Variants in ZNF624 observed in about 807,000 individuals in gnomAD.
The protein encoded by ZNF624 is zinc finger protein 624.
Under a neutral mutation model 74.7 loss-of-function variants are expected in ZNF624, and 43 were observed. That is an observed-to-expected ratio of 0.58 (90% CI 0.45 to 0.74). ZNF624 has a LOEUF of 0.74. ZNF624 is among the 30% of genes least tolerant of loss of function. ZNF624 has a pLI of 0.00. For synonymous variants in ZNF624, 331 were observed against 341.3 expected (o/e 0.97, Z 0.33); for missense variants, 820 against 1,030.0 (o/e 0.80, Z 2.79).
chr17:16,632,660 C>T (rs1182878780), intron 5 of ZNF624, among the ~76,000 whole-genome samples: 2 of 152,230 alleles, frequency 1.3e-5, no homozygotes, highest in Non-Finnish European at 2.9e-5. Flanking sequence ...TCCATCTCCA[C>T]TACCATCACC....
chr17:16,632,330 A>G (rs1365843473), intron 5 of ZNF624, among the ~76,000 whole-genome samples: 2 of 152,158 alleles, frequency 1.3e-5, no homozygotes, highest in African/African-American at 4.8e-5. Flanking sequence ...TTGTCTTGCA[A>G]CATCAATGTC....
chr17:16,648,297 T>C (rs903930100), intron 2 of ZNF624, among the ~76,000 whole-genome samples: 1 of 152,166 alleles, frequency 6.6e-6, no homozygotes. Flanking sequence ...CTTCTAGTTG[T>C]AGTTATCCAT....
chr17:16,617,724 T>TA (rs1908821737), downstream of ZNF624: 1 of 1,604,334 alleles, frequency 6.2e-7, no homozygotes, highest in South Asian at 1.1e-5. Context: ...GTTCAGCTCG[T>TA]AAAGGGCGTC....
chr17:16,637,916 C>T (rs1395781484), intron 3 of ZNF624, among the ~76,000 whole-genome samples: 1 of 152,110 alleles, frequency 6.6e-6, no homozygotes, highest in African/African-American at 2.4e-5. Flanking sequence ...AAACTACCAT[C>T]AGAGTGAACA....
At chr17:16,630,105 A>T (rs555297730) in intron 5 of ZNF624, among the ~76,000 whole-genome samples, 1 of 152,302 alleles carries the variant, frequency 6.6e-6, no homozygotes, top group African/African-American at 2.4e-5. Context: ...AGAAAAGTTT[A>T]GACAGATGGT....
intron 3 of ZNF624, among the ~76,000 whole-genome samples, chr17:16,642,888 T>C (rs1479090664): frequency 2.0e-5 from 3 of 152,186 alleles, no homozygotes; most frequent in Non-Finnish European, 4.4e-5. Flanking sequence ...AAAGGAGATA[T>C]ACAAGTGGCC....
chr17:16,625,121 T>C (rs1909038923), intron 5 of ZNF624, among the ~76,000 whole-genome samples: 1 of 152,018 alleles, frequency 6.6e-6, no homozygotes, highest in Non-Finnish European at 1.5e-5. Context: ...AAAACTGTCA[T>C]ACTTCCTTGC....
chr17:16,617,891 G>C, downstream of ZNF624: 1 of 1,560,492 alleles, frequency 6.4e-7, no homozygotes, highest in Non-Finnish European at 8.8e-7. Flanking sequence ...TGTCCGTGGC[G>C]GGCGGGGGCC....
rs747605908 is a variant in ZNF624 at position 16,645,633 on chromosome 17, CA to C, written c.153+1695del. 5.0e-3 allele frequency among the ~76,000 whole-genome samples: 540 copies of C among 108,240 alleles called. 5 individuals are homozygous for C. Among genetic ancestry groups the C allele is most frequent in the African/African-American group, 0.014 (416 of 30,356 alleles). The allele number at this position is 108,240 out of a possible 152,430, so 71.0% of individuals were successfully genotyped here. A position where few individuals can be genotyped will look rare whatever the true frequency, so the allele number is the denominator to read the frequency against. On this transcript the variant is annotated intron_variant, in intron 3 of 5. Coordinates refer to ENST00000311331, the MANE Select transcript of ZNF624 (RefSeq NM_020787.4). ...TTTCTTCTTTTAAAGGACTACGCTA[CA>C]AAAAAAAAAAAAACAAAACACTAAT... is the stretch of plus-strand genomic sequence containing the variant.
chr17:16,638,710 T>C (rs1165590593), intron 3 of ZNF624, among the ~76,000 whole-genome samples: 8 of 133,764 alleles, frequency 6.0e-5, no homozygotes, highest in Non-Finnish European at 1.1e-4. Context: ...CGGGGGACTG[T>C]TGTGGGGTTG....
chr17:16,637,484 AACCAAAACAGCATGGTACTGGT>A (rs1909361390), intron 3 of ZNF624, among the ~76,000 whole-genome samples: 1 of 152,194 alleles, frequency 6.6e-6, no homozygotes, highest in South Asian at 2.1e-4. Flanking sequence ...AGGCTACAGT[AACCAAAACAGCATGGTACTGGT>A]ACCAAAACAG....
chr17:16,633,810 T>C (rs374056170), intron 5 of ZNF624, 52 bp downstream of exon 5: 27 of 1,377,016 alleles, frequency 2.0e-5, no homozygotes, highest in Non-Finnish European at 2.7e-5. Context: ...AACATCCCCC[T>C]ATAGTCTGTT....
At chr17:16,642,973 T>C (rs1265860038) in intron 3 of ZNF624, among the ~76,000 whole-genome samples, 1 of 152,192 alleles carries the variant, frequency 6.6e-6, no homozygotes, top group African/African-American at 2.4e-5. Flanking sequence ...TACAGTAAGC[T>C]ACCACTTCAC....
Position 16,622,549 on chromosome 17 carries a change from G to C in ZNF624, c.2337C>G (p.Pro779=). The C allele has an allele frequency of 6.2e-7, 1 of 1,613,886 alleles. No homozygotes were observed. The highest frequency in any genetic ancestry group is 2.2e-5 in the East Asian group (1 of 44,846). The change falls in exon 6 of 6, where the codon CCC becomes CCG. Residue 779 remains proline, a synonymous_variant. Coordinates refer to ENST00000311331, the MANE Select transcript of ZNF624 (RefSeq NM_020787.4). ...CCTTTCCACATTCCTTACAGGTGTA[G>C]GGTTTTTCTCCAGTGTGTGTTCTCC... is the stretch of plus-strand genomic sequence containing the variant. ...VHWRTHTGEK[P]YTCKECGKGC...
At chr17:16,633,794 C>A in intron 5 of ZNF624, 68 bp downstream of exon 5, 1 of 1,219,430 alleles carries the variant, frequency 8.2e-7, no homozygotes, top group South Asian at 1.3e-5. Flanking sequence ...TTCAGATGTT[C>A]TGGTGAACAT....
In ZNF624 at chr17:16,623,211, T is replaced by TGG; in HGVS notation, c.1674_1675insCC (p.Thr559ProfsTer14). The TGG allele has an allele frequency of 6.2e-7, 1 of 1,613,918 alleles. No individual in the cohort carries two copies. ...CGCATGAAGGCCTTTCCACATTCAG[T>TGG]ACATTTATAAGGTTTCTCTCCTGTA... On this transcript the variant is annotated frameshift_variant, in exon 6 of 6. Transcript: ENST00000311331. LOFTEE classifies it high-confidence loss of function. This position sits in a 1 kb window ranked among gnomAD's most constrained non-coding sequence, Gnocchi z 5.3.
At chr17:16,628,053 A>G (rs1047436459) in intron 5 of ZNF624, among the ~76,000 whole-genome samples, 1 of 152,196 alleles carries the variant, frequency 6.6e-6, no homozygotes, top group African/African-American at 2.4e-5. Flanking sequence ...TGAGGCCAGG[A>G]GTTCGAGACC....
chr17:16,649,821 A>G, intron 1 of ZNF624, 75 bp from the exon 2 acceptor site: 1 of 1,203,612 alleles, frequency 8.3e-7, no homozygotes, highest in Non-Finnish European at 1.2e-6. Context: ...GAATCCTGAC[A>G]TACAAGTGAG....
intron 3 of ZNF624, among the ~76,000 whole-genome samples, chr17:16,638,878 GA>G (rs1218227814): frequency 6.6e-6 from 1 of 152,094 alleles, no homozygotes; most frequent in African/African-American, 2.4e-5. Context: ...AAAATAAAAA[GA>G]GGGGGAACAG....
Sources: allele counts gnomAD v4.1 joint callset (sites outside exome capture counted in the v4.1 genomes callset), GRCh38; gene constraint gnomAD v4.1.1; non-coding constraint Gnocchi (gnomAD v3.1); transcripts MANE v1.5; gene names NCBI Gene and HGNC (gene_info 2026-07-23, HGNC 2026-07-21).